The following OPCML variants were observed in gnomAD, a reference collection of about 807,000 sequenced individuals.
OPCML encodes the protein opioid-binding protein/cell adhesion molecule.
In OPCML, 13 loss-of-function variants were observed where a neutral mutation model predicts 37.8. The observed-to-expected ratio is 0.34, with a 90% CI of 0.22 to 0.55. The LOEUF is 0.55. OPCML is among the 20% of genes least tolerant of loss of function. The pLI is 0.91. For missense variants in OPCML, 341 were observed against 435.6 expected (o/e 0.78, Z 1.93); for synonymous variants, 176 against 168.8 (o/e 1.04, Z -0.33).
In OPCML at chr11:133,173,135, C is replaced by T. The variant is rs1410679607; in HGVS notation, c.62-230125G>A. 2.0e-5 allele frequency among the ~76,000 whole-genome samples: 3 copies of T among 152,180 alleles called. No homozygotes were observed. Among genetic ancestry groups the T allele is most frequent in the Non-Finnish European group, 4.4e-5 (3 of 68,044 alleles). ...AAGTGGTAATAGCCATTTCCAACAA[C>T]CACACCCATGCTTTAAAAAAATTAC... On this transcript the variant is annotated intron_variant, in intron 1 of 7. Coordinates refer to ENST00000524381, the MANE Select transcript of OPCML (RefSeq NM_001012393.5). This position sits in a 1 kb window ranked among gnomAD's most constrained non-coding sequence, Gnocchi z 7.8.
chr11:132,914,217 C>T (rs1418957457), intron 2 of OPCML, among the ~76,000 whole-genome samples: 2 of 152,200 alleles, frequency 1.3e-5, no homozygotes, highest in Non-Finnish European at 2.9e-5. Flanking sequence ...AGAGAACTGC[C>T]TTGTGGCCCT....
intron 3 of OPCML, among the ~76,000 whole-genome samples, chr11:132,648,910 G>C (rs905056636): frequency 3.3e-5 from 5 of 152,060 alleles, no homozygotes; most frequent in African/African-American, 1.2e-4. Context: ...TAATTAAATA[G>C]ACTATAAGTG....
chr11:133,433,621 A>G (rs1946172348), intron 1 of OPCML, among the ~76,000 whole-genome samples: 1 of 152,202 alleles, frequency 6.6e-6, no homozygotes, highest in African/African-American at 2.4e-5. Flanking sequence ...GCCACACAGG[A>G]GTCGTGAATT....
intron 1 of OPCML, among the ~76,000 whole-genome samples, chr11:133,493,039 G>A (rs539972431): frequency 6.6e-6 from 1 of 152,180 alleles, no homozygotes; most frequent in Admixed American, 6.5e-5. Context: ...GTCCTTCGGA[G>A]CCCAGTATCT....
chr11:133,444,539 A>G (rs888326841), intron 1 of OPCML, among the ~76,000 whole-genome samples: 8 of 152,192 alleles, frequency 5.3e-5, no homozygotes, highest in African/African-American at 1.9e-4. Context: ...AATGTCCCAC[A>G]GAACAAAAAA....
chr11:132,880,769 A>G (rs1297531156), intron 2 of OPCML, among the ~76,000 whole-genome samples: 1 of 152,222 alleles, frequency 6.6e-6, no homozygotes, highest in East Asian at 1.9e-4. Flanking sequence ...TACTCCTTAA[A>G]ATGACGTTGC....
At chr11:132,638,770 A>G (rs999118896) in intron 3 of OPCML, among the ~76,000 whole-genome samples, 2 of 152,070 alleles carry the variant, frequency 1.3e-5, no homozygotes, top group Non-Finnish European at 2.9e-5. Flanking sequence ...TTCATTCCCA[A>G]CCAACCAACC....
At chr11:133,352,538 ATGTCTTTC>A (rs1313622733) in intron 1 of OPCML, among the ~76,000 whole-genome samples, 1 of 152,210 alleles carries the variant, frequency 6.6e-6, no homozygotes. Flanking sequence ...TTGCATTATT[ATGTCTTTC>A]ACTTCAATAT....
At chr11:133,038,715 A>T (rs1001414327) in intron 1 of OPCML, among the ~76,000 whole-genome samples, 3 of 151,756 alleles carry the variant, frequency 2.0e-5, no homozygotes, top group African/African-American at 7.3e-5. Flanking sequence ...CGATCCCACA[A>T]CTCTCTGCTG....
At chr11:132,901,140 A>G (rs1944046747) in intron 2 of OPCML, among the ~76,000 whole-genome samples, 1 of 152,080 alleles carries the variant, frequency 6.6e-6, no homozygotes, top group African/African-American at 2.4e-5. Context: ...CCATCATGCC[A>G]CTGCACTCCA....
At chr11:133,491,413 G>C (rs1002753559) in intron 1 of OPCML, among the ~76,000 whole-genome samples, 1 of 152,146 alleles carries the variant, frequency 6.6e-6, no homozygotes, top group Non-Finnish European at 1.5e-5. Context: ...TCACTGTAAC[G>C]GTCCTCTTGA....
intron 1 of OPCML, among the ~76,000 whole-genome samples, chr11:133,087,415 GGGTT>G (rs1948833355): frequency 6.6e-6 from 1 of 152,034 alleles, no homozygotes; most frequent in African/African-American, 2.4e-5. Flanking sequence ...ACCTAATAGG[GGGTT>G]CTTCAGCCTT....
chr11:132,514,955 A>G lies in OPCML; in HGVS notation c.505+14106T>C, dbSNP rs144541243. Among the ~76,000 whole-genome samples, 788 of 152,244 alleles carry G rather than the reference A, an allele frequency of 5.2e-3. 6 individuals carry two copies. The highest frequency in any genetic ancestry group is 0.017 in the Middle Eastern group (5 of 294). On this transcript the variant is annotated intron_variant, in intron 4 of 7. Transcript: ENST00000524381. ...CTTTCACCACAGCTGTAATTACTGC[A>G]CCAGGCTCCAGTTGTGCAGGGACAA...
intron 3 of OPCML, among the ~76,000 whole-genome samples, chr11:132,535,489 C>A (rs1190140983): frequency 6.6e-6 from 1 of 152,148 alleles, no homozygotes; most frequent in Non-Finnish European, 1.5e-5. Flanking sequence ...CCTACCTCAG[C>A]CTTGCCCACA....
chr11:133,295,939 G>T (rs1056849624), intron 1 of OPCML, among the ~76,000 whole-genome samples: 1 of 152,080 alleles, frequency 6.6e-6, no homozygotes, highest in East Asian at 1.9e-4. Context: ...TATAACATCT[G>T]CCAGATTTCC....
intron 2 of OPCML, among the ~76,000 whole-genome samples, chr11:132,693,140 A>G (rs1943468957): frequency 6.6e-6 from 1 of 152,182 alleles, no homozygotes; most frequent in South Asian, 2.1e-4. Context: ...AAACAGCTGG[A>G]CTACTGGATA....
intron 1 of OPCML, chr11:133,301,936 C>T (rs2136567392): frequency 6.6e-6 from 1 of 152,196 alleles, no homozygotes; most frequent in South Asian, 2.1e-4. Flanking sequence ...ATACTAGGCA[C>T]TGGAAAATGT....
intron 1 of OPCML, among the ~76,000 whole-genome samples, chr11:133,277,353 C>T (rs760232054): frequency 1.3e-5 from 2 of 151,948 alleles, no homozygotes; most frequent in African/African-American, 4.8e-5. Context: ...GAGAGTCAAA[C>T]ATTTTATAGA....
intron 1 of OPCML, among the ~76,000 whole-genome samples, chr11:133,127,674 T>G (rs1438575797): frequency 6.6e-6 from 1 of 151,808 alleles, no homozygotes; most frequent in African/African-American, 2.4e-5. Context: ...TATTTACTAA[T>G]TATCTACAAT....
Sources: allele counts gnomAD v4.1 joint callset (sites outside exome capture counted in the v4.1 genomes callset), GRCh38; gene constraint gnomAD v4.1.1; non-coding constraint Gnocchi (gnomAD v3.1); transcripts MANE v1.5; gene names NCBI Gene and HGNC (gene_info 2026-07-23, HGNC 2026-07-21).